The following TMEM132C variants were observed in gnomAD, a reference collection of about 807,000 sequenced individuals.
The protein encoded by TMEM132C is transmembrane protein 132C.
In TMEM132C, 29 loss-of-function variants were observed where a neutral mutation model predicts 61.4. The ratio of observed to expected loss-of-function variants is 0.47; its 90% CI spans 0.35 to 0.64. The LOEUF (loss-of-function observed/expected upper bound fraction) is 0.64, where lower values mean the gene tolerates loss of function less well. TMEM132C is among the 30% of genes least tolerant of loss of function. The pLI, the probability that TMEM132C is intolerant of heterozygous loss-of-function variation, is 0.00. For missense variants in TMEM132C, 1,408 were observed against 1,476.9 expected (o/e 0.95, Z 0.76); for synonymous variants, 656 against 633.1 (o/e 1.04, Z -0.54).
intron 4 of TMEM132C, among the ~76,000 whole-genome samples, chr12:128,665,737 A>C (rs1247447226): frequency 6.9e-6 from 1 of 144,662 alleles, no homozygotes; most frequent in Non-Finnish European, 1.5e-5. Context: ...ACACAGGCAC[A>C]CACATACACC....
intron 2 of TMEM132C, among the ~76,000 whole-genome samples, chr12:128,435,296 C>A (rs1346721211): frequency 1.3e-5 from 2 of 152,128 alleles, no homozygotes; most frequent in African/African-American, 4.8e-5. Flanking sequence ...GCTGCTGTTG[C>A]CAGTCCGGTG....
chr12:128,362,351 A>G (rs1300739338), intron 1 of TMEM132C, among the ~76,000 whole-genome samples: 2 of 152,138 alleles, frequency 1.3e-5, no homozygotes, highest in Admixed American at 6.5e-5. Context: ...CAGTAGCCAG[A>G]TATCTGTTAT....
At chr12:128,662,328 G>A (rs939662347) in intron 4 of TMEM132C, among the ~76,000 whole-genome samples, 3 of 152,136 alleles carry the variant, frequency 2.0e-5, no homozygotes, top group African/African-American at 7.2e-5. Flanking sequence ...GAGTCAACTT[G>A]GACTTTGTTC....
chr12:128,298,521 C>T (rs1237908858), intron 1 of TMEM132C, among the ~76,000 whole-genome samples: 2 of 152,154 alleles, frequency 1.3e-5, no homozygotes, highest in African/African-American at 4.8e-5. Flanking sequence ...TCTCACGTAA[C>T]TACGGTACGT....
chr12:128,511,876 G>T (rs1263403405), intron 2 of TMEM132C, among the ~76,000 whole-genome samples: 1 of 152,128 alleles, frequency 6.6e-6, no homozygotes, highest in Non-Finnish European at 1.5e-5. Context: ...ACTCCTGCAG[G>T]CTCAGAGCTG....
At chr12:128,371,776 G>T (rs1276586063) in intron 1 of TMEM132C, among the ~76,000 whole-genome samples, 1 of 152,240 alleles carries the variant, frequency 6.6e-6, no homozygotes, top group Non-Finnish European at 1.5e-5. Flanking sequence ...ACAGGGTCTT[G>T]CTGTGTTGCC....
At chr12:128,579,181 G>A (rs1366359170) in intron 3 of TMEM132C, among the ~76,000 whole-genome samples, 2 of 152,194 alleles carry the variant, frequency 1.3e-5, no homozygotes, top group Non-Finnish European at 2.9e-5. Flanking sequence ...CTTAGCCCAT[G>A]CACGGGCCTC....
intron 3 of TMEM132C, among the ~76,000 whole-genome samples, chr12:128,608,846 G>C (rs1263996589): frequency 2.0e-5 from 3 of 152,172 alleles, no homozygotes; most frequent in Non-Finnish European, 2.9e-5. Flanking sequence ...GGGAGGCTCA[G>C]GTTTCTTCCA....
In TMEM132C at chr12:128,492,421, G is replaced by A. The variant is rs146691500; in HGVS notation, c.975-51536G>A. 4.9e-4 allele frequency among the ~76,000 whole-genome samples: 75 copies of A among 152,238 alleles called. 1 individual carries two copies. The highest frequency in any genetic ancestry group is 8.4e-4 in the African/African-American group (35 of 41,538). On this transcript the variant is annotated intron_variant, in intron 2 of 8. Coordinates refer to ENST00000435159, the MANE Select transcript of TMEM132C (RefSeq NM_001136103.3). Reference sequence around the variant, plus strand: ...TCTAGTTCTAGATCCCTGAGGAATCGCCACACTGTCTTCCACGATGGTTGA... The same window carrying A: ...TCTAGTTCTAGATCCCTGAGGAATCACCACACTGTCTTCCACGATGGTTGA...
At chr12:128,657,550 G>A (rs1954338595) in intron 4 of TMEM132C, among the ~76,000 whole-genome samples, 1 of 152,062 alleles carries the variant, frequency 6.6e-6, no homozygotes, top group Admixed American at 6.6e-5. Flanking sequence ...ATGGGGTGAT[G>A]CCAGGGCTCG....
Position 128,705,786 on chromosome 12 carries a change from G to T in TMEM132C, c.2818G>T (p.Val940Phe), listed in dbSNP as rs577804547. Residue 940 changes from valine (V) to phenylalanine (F), a missense_variant, in exon 9 of 9, where the codon GTC becomes TTC. By Grantham distance (50) the Val-to-Phe change is conservative. Transcript: ENST00000435159. ...GGGGGTGTTCTGCCTGGCCATCCTC[G>T]TCTTCCTGATCAACTGCGCCACCTT... ...LLGVFCLAIL[V>F]FLINCATFAL... 6.4e-7 allele frequency: 1 copy of T among 1,551,594 alleles called. No individual in the cohort carries two copies. Among genetic ancestry groups the T allele is most frequent in the South Asian group, 1.2e-5 (1 of 84,062 alleles).
chr12:128,600,562 C>T (rs376814712), intron 3 of TMEM132C, among the ~76,000 whole-genome samples: 3 of 152,184 alleles, frequency 2.0e-5, no homozygotes, highest in East Asian at 3.9e-4. Context: ...CCCATGCCTG[C>T]TTGGGAAACA....
At position 128,398,462 on chromosome 12, in the gene TMEM132C, CAT is replaced by C. The variant is rs570225821; in HGVS notation, c.86-16269_86-16268del. On this transcript the variant is annotated intron_variant, in intron 1 of 8. Coordinates refer to ENST00000435159, the MANE Select transcript of TMEM132C (RefSeq NM_001136103.3). The stretch of plus-strand genomic sequence containing the variant: ...TTGTAGTTCATAAGGTTTTCATCCT[CAT>C]GTGTGAGACATGTCTCCCTCAGACC... Among the ~76,000 whole-genome samples, 41 of 152,346 alleles carry C rather than the reference CAT, an allele frequency of 2.7e-4. No individual in the cohort carries two copies. The South Asian group carries it at 7.7e-3, about 28-fold the overall frequency.
At position 128,705,903 on chromosome 12, in the gene TMEM132C, G is replaced by T; in HGVS notation, c.2935G>T (p.Glu979Ter). 1 of 1,551,340 alleles carries T rather than the reference G, an allele frequency of 6.4e-7. No homozygotes were observed. Among genetic ancestry groups the T allele is most frequent in the East Asian group, 2.4e-5 (1 of 40,904 alleles). The change falls in exon 9 of 9, where the codon GAA (glutamate) becomes TAA (stop). Residue 979 changes from glutamate to a stop codon, truncating the protein, a stop_gained. Transcript: ENST00000435159. LOFTEE classifies it low-confidence loss of function (END_TRUNC). ...HDWVWLGNEA[E>*]LLESMGDAPP... is the part of the protein sequence containing the mutation. ...CTGGGTGTGGCTTGGCAATGAGGCC[G>T]AACTCCTGGAGAGCATGGGGGATGC...
chr12:128,642,088 C>A (rs1234759264), intron 4 of TMEM132C, among the ~76,000 whole-genome samples: 1 of 151,472 alleles, frequency 6.6e-6, no homozygotes, highest in Admixed American at 6.6e-5. Flanking sequence ...CAGGCATGAG[C>A]CACCACGCCC....
At chr12:128,577,717 C>T (rs936155328) in intron 3 of TMEM132C, among the ~76,000 whole-genome samples, 5 of 152,234 alleles carry the variant, frequency 3.3e-5, no homozygotes, top group Non-Finnish European at 7.3e-5. Context: ...TTTATGGTCT[C>T]ATCTTGGGGT....
At chr12:128,463,060 A>G (rs1195394544) in intron 2 of TMEM132C, among the ~76,000 whole-genome samples, 2 of 152,146 alleles carry the variant, frequency 1.3e-5, no homozygotes, top group Non-Finnish European at 2.9e-5. Flanking sequence ...TTCAAGCAGG[A>G]GGAGAGGAGA....
intron 1 of TMEM132C, among the ~76,000 whole-genome samples, chr12:128,368,374 G>A (rs559497933): frequency 5.9e-5 from 9 of 152,214 alleles, no homozygotes; most frequent in Non-Finnish European, 1.0e-4. Context: ...CTTGAATCCA[G>A]TCTAGCTCCG....
rs866832765 is a variant in TMEM132C, at chr12:128,706,456, C to G, written c.*161C>G. 1 of 974,558 alleles carries G rather than the reference C, an allele frequency of 1.0e-6. No individual in the cohort carries two copies. The allele number at this position is 974,558 out of a possible 1,614,324, so 60.4% of individuals were successfully genotyped here. A position where few individuals can be genotyped will look rare whatever the true frequency, so the allele number is the denominator to read the frequency against. ...AAGTCAGGAAAAGACGTTTTTGTATCAAGGGATTTTTAGCAGTTAATGGTG... is the reference window on the plus strand; with the variant it reads ...AAGTCAGGAAAAGACGTTTTTGTATGAAGGGATTTTTAGCAGTTAATGGTG... On this transcript the variant is annotated 3_prime_UTR_variant, in exon 9 of 9. Transcript: ENST00000435159.
Sources: gnomAD v4.1 joint callset for allele counts (sites outside exome capture counted in the v4.1 genomes callset) on GRCh38, gnomAD v4.1.1 for gene constraint, MANE v1.5 for transcripts, NCBI Gene and HGNC (gene_info 2026-07-23, HGNC 2026-07-21) for gene names.